The following SDK1 variants were observed in gnomAD, a reference collection of about 807,000 sequenced individuals.
SDK1 encodes sidekick cell adhesion molecule 1, also known as protein sidekick-1.
A neutral mutation model predicts 245.5 loss-of-function variants in SDK1; 157 were observed. That is an observed-to-expected ratio of 0.64 (90% confidence interval 0.56 to 0.73). The LOEUF (loss-of-function observed/expected upper bound fraction) is 0.73. SDK1 is among the 30% of genes least tolerant of loss of function. The pLI is 0.00. For missense variants in SDK1, 3,583 were observed against 3,002.3 expected, an observed-to-expected ratio of 1.19 and a Z score of -4.52; for synonymous variants, 1,647 against 1,278.5, an observed-to-expected ratio of 1.29 and a Z score of -6.15.
intron 17 of SDK1, among the ~76,000 whole-genome samples, chr7:4,024,390 TC>T (rs1479936527): frequency 6.6e-6 from 1 of 152,200 alleles, no homozygotes; most frequent in Non-Finnish European, 1.5e-5. Context: ...TACAAGACTT[TC>T]TAGACCTCAG....
intron 1 of SDK1, among the ~76,000 whole-genome samples, chr7:3,548,462 G>C (rs1265023398): frequency 6.6e-6 from 1 of 152,200 alleles, no homozygotes; most frequent in Non-Finnish European, 1.5e-5. Flanking sequence ...GAGTCCCAAA[G>C]ATGAGAGGAG....
intron 5 of SDK1, among the ~76,000 whole-genome samples, chr7:3,901,943 T>G (rs1245543566): frequency 1.3e-5 from 2 of 152,218 alleles, no homozygotes; most frequent in African/African-American, 4.8e-5. Context: ...GGGCATGGTT[T>G]CAGAGTATCT....
intron 1 of SDK1, among the ~76,000 whole-genome samples, chr7:3,553,546 A>T (rs1779484231): frequency 6.6e-6 from 1 of 152,000 alleles, no homozygotes; most frequent in Non-Finnish European, 1.5e-5. Flanking sequence ...GCCTTTCTTG[A>T]CCTCTGAACT....
At position 4,162,968 on chromosome 7, in the gene SDK1, G is replaced by C. The variant is rs770113016; in HGVS notation, c.4800+1112G>C. Among the ~76,000 whole-genome samples, 4 of 152,320 alleles carry C rather than the reference G, an allele frequency of 2.6e-5. No individual in the cohort carries two copies. The Middle Eastern group carries it at 0.014, about 518-fold the overall frequency. On this transcript the variant is annotated intron_variant, in intron 32 of 44. Coordinates refer to ENST00000404826, the MANE Select transcript of SDK1 (RefSeq NM_152744.4). Reference sequence around the variant, plus strand: ...TGAAGAGTGGGGCGGGGAGCTGTGCGGAGGACTCAGCCCAGGGCCTGTGTA... The same window carrying C: ...TGAAGAGTGGGGCGGGGAGCTGTGCCGAGGACTCAGCCCAGGGCCTGTGTA...
At chr7:3,728,397 T>C (rs768247593) in intron 4 of SDK1, among the ~76,000 whole-genome samples, 2 of 152,218 alleles carry the variant, frequency 1.3e-5, no homozygotes, top group African/African-American at 2.4e-5. Context: ...TTATTGAGAA[T>C]TGCATTAGGA....
intron 1 of SDK1, among the ~76,000 whole-genome samples, chr7:3,582,410 C>A (rs531884900): frequency 4.6e-4 from 68 of 148,380 alleles, no homozygotes; most frequent in Middle Eastern, 3.6e-3. Flanking sequence ...GTAGGTCTCC[C>A]TCAGGTAGGT....
At chr7:3,731,228 A>C (rs1446695646) in intron 4 of SDK1, among the ~76,000 whole-genome samples, 1 of 152,076 alleles carries the variant, frequency 6.6e-6, no homozygotes, top group Admixed American at 6.5e-5. Context: ...CCACTTCTTT[A>C]CATCCTTCCA....
chr7:3,813,684 C>A (rs2115050685), intron 4 of SDK1, among the ~76,000 whole-genome samples: 1 of 132,298 alleles, frequency 7.6e-6, no homozygotes, highest in South Asian at 2.6e-4. Context: ...GAGGAATCGC[C>A]ACACTGACTT....
chr7:4,168,312 T>C (rs929629527), intron 32 of SDK1, among the ~76,000 whole-genome samples: 15 of 152,234 alleles, frequency 9.9e-5, no homozygotes, highest in African/African-American at 3.1e-4. Flanking sequence ...AGTTAGCCTG[T>C]TGGCCAAATG....
intron 1 of SDK1, among the ~76,000 whole-genome samples, chr7:3,319,654 C>T (rs1256890787): frequency 6.6e-6 from 1 of 152,032 alleles, no homozygotes; most frequent in Non-Finnish European, 1.5e-5. Flanking sequence ...AGGGTCTGCT[C>T]TCCTCTCCCA....
chr7:3,318,253 G>A (rs558886905), intron 1 of SDK1, among the ~76,000 whole-genome samples: 1 of 152,268 alleles, frequency 6.6e-6, no homozygotes, highest in South Asian at 2.1e-4. Flanking sequence ...AAAGCCGTCT[G>A]CTGTAGTGCA....
intron 20 of SDK1, among the ~76,000 whole-genome samples, chr7:4,070,837 G>A (rs1253236261): frequency 6.6e-6 from 1 of 151,878 alleles, no homozygotes; most frequent in African/African-American, 2.4e-5. Flanking sequence ...AGCCTCCCGA[G>A]TAGTTGGAAC....
chr7:3,987,439 T>A, intron 14 of SDK1, 117 bp downstream of exon 14: 1 of 1,073,998 alleles, frequency 9.3e-7, no homozygotes, highest in Non-Finnish European at 1.4e-6. Context: ...AATGCTGTAA[T>A]GCTTTACAGG....
At chr7:3,556,838 T>C (rs2128624896) in intron 1 of SDK1, among the ~76,000 whole-genome samples, 1 of 152,156 alleles carries the variant, frequency 6.6e-6, no homozygotes, top group Admixed American at 6.5e-5. Flanking sequence ...TATAATTGGA[T>C]TGTTTGTAAC....
At chr7:3,541,704 C>T (rs147226121) in intron 1 of SDK1, among the ~76,000 whole-genome samples, 80 of 152,292 alleles carry the variant, frequency 5.3e-4, no homozygotes, top group African/African-American at 1.8e-3. Flanking sequence ...AGGCATGTAT[C>T]TGACATAGGG....
At chr7:4,166,560 G>A (rs1265027306) in intron 32 of SDK1, among the ~76,000 whole-genome samples, 4 of 152,236 alleles carry the variant, frequency 2.6e-5, no homozygotes, top group Non-Finnish European at 4.4e-5. Flanking sequence ...TGTGTCTCAC[G>A]GGTATTGCGT....
At chr7:3,636,420 C>G (rs1782458920) in intron 2 of SDK1, among the ~76,000 whole-genome samples, 1 of 152,174 alleles carries the variant, frequency 6.6e-6, no homozygotes, top group Non-Finnish European at 1.5e-5. Flanking sequence ...CTTCTATGAA[C>G]TGGACTATTT....
At chr7:4,094,944 G>T (rs1782052275) in intron 22 of SDK1, among the ~76,000 whole-genome samples, 1 of 152,230 alleles carries the variant, frequency 6.6e-6, no homozygotes, top group Non-Finnish European at 1.5e-5. Flanking sequence ...TAAATTCAAA[G>T]ATTTTCTGAT....
At chr7:4,112,136 A>G (rs1783389351) in intron 23 of SDK1, among the ~76,000 whole-genome samples, 1 of 152,220 alleles carries the variant, frequency 6.6e-6, no homozygotes, top group African/African-American at 2.4e-5. Context: ...TATACATTTT[A>G]GGGAGACATG....
Sources: gnomAD v4.1 joint callset for allele counts (sites outside exome capture counted in the v4.1 genomes callset) on GRCh38, gnomAD v4.1.1 for gene constraint, MANE v1.5 for transcripts, NCBI Gene and HGNC (gene_info 2026-07-23, HGNC 2026-07-21) for gene names.